Variants in C19orf38 observed in about 807,000 individuals in gnomAD.
The protein encoded by C19orf38 is chromosome 19 open reading frame 38.
C19orf38 carries 14 observed loss-of-function variants against 26.6 expected under a neutral mutation model. The ratio of observed to expected loss-of-function variants is 0.53; its 90% CI spans 0.35 to 0.82. The LOEUF (loss-of-function observed/expected upper bound fraction) is 0.82, where lower values mean the gene tolerates loss of function less well. Among genes scored for constraint, C19orf38 ranks in the 40% least tolerant of loss-of-function variants. The pLI, the probability that C19orf38 is intolerant of heterozygous loss-of-function variation, is 0.01. For synonymous variants in C19orf38, 132 were observed against 128.5 expected (o/e 1.03, Z -0.18); for missense variants, 261 against 299.5 (o/e 0.87, Z 0.95).
chr19:10,863,904 A>T (rs2073727301), intron 6 of C19orf38, among the ~76,000 whole-genome samples: 1 of 151,928 alleles, frequency 6.6e-6, no homozygotes, highest in Admixed American at 6.6e-5. Context: ...CAAGAGCAAA[A>T]CTCCATCTAA....
upstream of C19orf38, among the ~76,000 whole-genome samples, chr19:10,845,146 C>A (rs903493460): frequency 1.4e-5 from 2 of 147,938 alleles, no homozygotes; most frequent in African/African-American, 5.0e-5. Context: ...GGCAAGAAAG[C>A]AAGACCTTGT....
intron 1 of C19orf38, among the ~76,000 whole-genome samples, chr19:10,841,069 G>A (rs1178430308): frequency 6.6e-6 from 1 of 151,226 alleles, no homozygotes; most frequent in Admixed American, 6.6e-5. Flanking sequence ...TCTTTGGAAA[G>A]GTATCCATTC....
At chr19:10,864,248 C>T (rs984647462) in intron 6 of C19orf38, among the ~76,000 whole-genome samples, 2 of 151,864 alleles carry the variant, frequency 1.3e-5, no homozygotes, top group East Asian at 1.9e-4. Flanking sequence ...TTAGTAGAGA[C>T]GGGGGTTTCA....
At chr19:10,840,849 G>A (rs905455834) in intron 1 of C19orf38, among the ~76,000 whole-genome samples, 22 of 152,172 alleles carry the variant, frequency 1.4e-4, no homozygotes, top group African/African-American at 9.6e-5. Flanking sequence ...TGACCAAGCT[G>A]GTCTCGAACT....
At position 10,867,136 on chromosome 19, in the gene C19orf38, C is replaced by T. The variant is rs369056510; in HGVS notation, c.544-2082C>T. On this transcript the variant is annotated intron_variant, in intron 6 of 6. Coordinates refer to ENST00000397820, the MANE Select transcript of C19orf38 (RefSeq NM_001136482.3). ...AACTTGTCTCCGTGCAACACCCACT[C>T]CCCGTTGTCCCTCCCCCAGCCCCTG... 1.7e-3 allele frequency among the ~76,000 whole-genome samples: 256 copies of T among 151,916 alleles called. 2 individuals carry two copies. The highest frequency in any genetic ancestry group is 6.0e-3 in the African/African-American group (247 of 41,408).
At chr19:10,864,767 G>A (rs991606470) in intron 6 of C19orf38, among the ~76,000 whole-genome samples, 6 of 152,156 alleles carry the variant, frequency 3.9e-5, no homozygotes, top group African/African-American at 1.4e-4. Context: ...ATAGGGGAGA[G>A]AAAACACAGA....
chr19:10,850,336 G>A lies in C19orf38; in HGVS notation c.109G>A (p.Ala37Thr), dbSNP rs899953239. Residue 37 changes from alanine (A) to threonine (T), a missense_variant, in exon 2 of 7, where the codon GCA becomes ACA. Physicochemically the swap from Ala to Thr is moderately conservative, Grantham distance 58. Coordinates refer to ENST00000397820, the MANE Select transcript of C19orf38 (RefSeq NM_001136482.3). The part of the protein sequence containing the change: ...PSSQEDPIHI[A>T]CMAPGNFPGA... ...CAGCCAAGAGGACCCCATCCACATC[G>A]CATGCATGGCCCCTGGGAACTTCCC... The A allele has an allele frequency of 3.0e-5, 47 of 1,551,140 alleles. No homozygotes were observed. Among genetic ancestry groups the A allele is most frequent in the Middle Eastern group, 1.7e-4 (1 of 5,910 alleles).
At chr19:10,853,070 AT>A (rs1007817728) in intron 2 of C19orf38, among the ~76,000 whole-genome samples, 21 of 147,632 alleles carry the variant, frequency 1.4e-4, no homozygotes, top group African/African-American at 3.0e-4. Flanking sequence ...AAATTATTTT[AT>A]TTTTTTTTTA....
chr19:10,837,530 A>G, intron 1 of C19orf38, among the ~76,000 whole-genome samples: 1 of 105,344 alleles, frequency 9.5e-6, no homozygotes, highest in Non-Finnish European at 1.8e-5. Flanking sequence ...TTTTTGAGAC[A>G]GAGTCTCCCT....
At chr19:10,858,454 C>G in intron 4 of C19orf38, 111 bp downstream of exon 4, 1 of 1,058,512 alleles carries the variant, frequency 9.4e-7, no homozygotes, top group East Asian at 2.6e-5. Context: ...GGTGGGCATG[C>G]TGCGTAATAG....
chr19:10,838,289 A>G (rs2073452355), intron 1 of C19orf38, among the ~76,000 whole-genome samples: 1 of 152,138 alleles, frequency 6.6e-6, no homozygotes, highest in African/African-American at 2.4e-5. Flanking sequence ...GGGTGCCTGT[A>G]GTCCCAGCTA....
chr19:10,845,990 G>A (rs2073512976), upstream of C19orf38, among the ~76,000 whole-genome samples: 1 of 151,552 alleles, frequency 6.6e-6, no homozygotes, highest in Non-Finnish European at 1.5e-5. Flanking sequence ...ATCAGGCTGG[G>A]TAACATAATA....
rs376886395 is a variant in C19orf38, at chr19:10,859,920, G to A, written c.467G>A (p.Arg156Gln). 264 of 1,551,814 alleles carry A rather than the reference G, an allele frequency of 1.7e-4. 1 individual carries two copies. Among genetic ancestry groups the A allele is most frequent in the Non-Finnish European group, 2.2e-4 (251 of 1,146,918 alleles). Residue 156 changes from arginine to glutamine, a missense_variant, in exon 5 of 7, where the codon CGA becomes CAA. By Grantham distance (43) the Arg-to-Gln change is conservative. Coordinates refer to ENST00000397820, the MANE Select transcript of C19orf38 (RefSeq NM_001136482.3). ...TCTCCTGAATTCCTTTGCAGAGATC[G>A]AGAATCCTGCTGGGCCCAGATTAAC... Reference protein sequence around the residue: ...KLRNLQKKRDRESCWAQINFD... With the variant: ...KLRNLQKKRDQESCWAQINFD...
At chr19:10,848,293 G>A (rs889027154), upstream of C19orf38, 13 of 531,710 alleles carry the variant, frequency 2.4e-5, no homozygotes, top group South Asian at 8.3e-5. Flanking sequence ...AGAGAGGTGC[G>A]CGGGTCTGAT....
intron 6 of C19orf38, among the ~76,000 whole-genome samples, chr19:10,866,327 A>G (rs2073750815): frequency 1.4e-5 from 2 of 146,560 alleles, no homozygotes; most frequent in Non-Finnish European, 1.5e-5. Context: ...AGTAGCTGGG[A>G]TTACAGGCGA....
At chr19:10,846,598 A>G (rs1442070368), upstream of C19orf38, among the ~76,000 whole-genome samples, 1 of 152,232 alleles carries the variant, frequency 6.6e-6, no homozygotes, top group Non-Finnish European at 1.5e-5. Flanking sequence ...GAAAAGATCA[A>G]TAACAATGAT....
At chr19:10,854,629 A>C in intron 2 of C19orf38, among the ~76,000 whole-genome samples, 1 of 151,184 alleles carries the variant, frequency 6.6e-6, no homozygotes, top group South Asian at 2.1e-4. Flanking sequence ...TTAGCTCCTC[A>C]CCTCCCTTGG....
At chr19:10,850,931 GAGGCACAGGA>G (rs975135683) in intron 2 of C19orf38, among the ~76,000 whole-genome samples, 2 of 152,188 alleles carry the variant, frequency 1.3e-5, no homozygotes, top group African/African-American at 4.8e-5. Context: ...TAAGGAAACT[GAGGCACAGGA>G]GGTACACACC....
intron 3 of C19orf38, 145 bp from the exon 4 acceptor site, chr19:10,858,171 T>C (rs1818237779): frequency 1.4e-6 from 1 of 701,128 alleles, no homozygotes; most frequent in African/African-American, 2.1e-5. Context: ...GAGGTTGCAG[T>C]GAGCCAAGAT....
Sources: allele counts gnomAD v4.1 joint callset (sites outside exome capture counted in the v4.1 genomes callset), GRCh38; gene constraint gnomAD v4.1.1; transcripts MANE v1.5; gene names NCBI Gene and HGNC (gene_info 2026-07-23, HGNC 2026-07-21).